The following BCAT1 variants were observed in gnomAD, a reference collection of about 807,000 sequenced individuals.
BCAT1 encodes the protein branched chain amino acid transaminase 1.
A neutral mutation model predicts 52.4 loss-of-function variants in BCAT1; 48 were observed. The observed-to-expected ratio is 0.92, with a 90% CI of 0.73 to 1.16. BCAT1 has a LOEUF of 1.16. Among genes scored for constraint, BCAT1 ranks in the 50% most tolerant of loss-of-function variants. BCAT1 has a pLI of 0.00. For synonymous variants in BCAT1, 167 were observed against 161.3 expected (o/e 1.04, Z -0.27); for missense variants, 451 against 457.1 (o/e 0.99, Z 0.12).
chr12:24,943,493 G>GAAAAAA lies in BCAT1; in HGVS notation c.6+5428_6+5433dup, dbSNP rs4031153. On this transcript the variant is annotated intron_variant, in intron 1 of 10. Transcript: ENST00000261192. ...AGGTGACAGAATGAGACCCTATCTG[G>GAAAAAA]AAAAAAAAAAAAAAAAAAAAAAAAA... 9.6e-3 allele frequency among the ~76,000 whole-genome samples: 562 copies of GAAAAAA among 58,466 alleles called. 16 individuals carry two copies. Among genetic ancestry groups the GAAAAAA allele is most frequent in the Middle Eastern group, 0.042 (2 of 48 alleles). 38.4% of individuals were successfully genotyped at this position (58,466 alleles called of 152,430 possible). A position where few individuals can be genotyped will look rare whatever the true frequency, so the allele number is the denominator to read the frequency against.
intron 1 of BCAT1, among the ~76,000 whole-genome samples, chr12:24,910,203 G>A (rs1244952323): frequency 3.3e-5 from 5 of 151,830 alleles, no homozygotes; most frequent in South Asian, 2.1e-4. Flanking sequence ...GTGAAACCCC[G>A]TCTCTACTAA....
At chr12:24,831,054 T>G (rs1291433297) in intron 9 of BCAT1, among the ~76,000 whole-genome samples, 2 of 152,162 alleles carry the variant, frequency 1.3e-5, no homozygotes, top group Non-Finnish European at 2.9e-5. Flanking sequence ...CACTTATACG[T>G]GGACTTTCTT....
chr12:24,870,752 G>C (rs1389211150), intron 5 of BCAT1, among the ~76,000 whole-genome samples: 2 of 152,306 alleles, frequency 1.3e-5, no homozygotes, highest in Non-Finnish European at 1.5e-5. Flanking sequence ...ATCAGGCCAA[G>C]CTCAGTGGCT....
At chr12:24,875,119 G>A (rs959731739) in intron 5 of BCAT1, among the ~76,000 whole-genome samples, 1 of 151,696 alleles carries the variant, frequency 6.6e-6, no homozygotes, top group Non-Finnish European at 1.5e-5. Flanking sequence ...GATAAGTAAA[G>A]CTAGTCATCT....
chr12:24,824,272 C>CCTTCCTTCCTTCCTTCCT (rs1477491998), intron 10 of BCAT1, among the ~76,000 whole-genome samples: 8,330 of 124,480 alleles, frequency 0.067, 1,049 homozygotes, highest in Non-Finnish European at 0.089. Flanking sequence ...CCTTCATTCC[C>CCTTCCTTCCTTCCTTCCT]TCCCTCCCTC....
chr12:24,841,282 T>C (rs771022829), intron 7 of BCAT1, among the ~76,000 whole-genome samples: 5 of 152,192 alleles, frequency 3.3e-5, no homozygotes, highest in Admixed American at 3.3e-4. Context: ...ATTTTCAAAA[T>C]ATGTAGAAAA....
chr12:24,914,842 C>T (rs1297050510), intron 1 of BCAT1, among the ~76,000 whole-genome samples: 1 of 152,112 alleles, frequency 6.6e-6, no homozygotes, highest in Non-Finnish European at 1.5e-5. Context: ...AATTAGGAAA[C>T]ATTAGTTTGG....
chr12:24,865,200 C>T (rs1941970800), intron 5 of BCAT1, among the ~76,000 whole-genome samples: 1 of 152,204 alleles, frequency 6.6e-6, no homozygotes, highest in South Asian at 2.1e-4. Context: ...GAATAATAGA[C>T]TTTCACATCT....
Position 24,817,730 on chromosome 12 carries a change from T to C in BCAT1, c.*278A>G. On this transcript the variant is annotated 3_prime_UTR_variant, in exon 11 of 11. Transcript: ENST00000261192. ...CTGAGTGAAGTACAAAAGGAGGCAC[T>C]AAAATCATTGAGGAAAATCCCATGT... 1 of 379,230 alleles carries C rather than the reference T, an allele frequency of 2.6e-6. No homozygotes were observed. The highest frequency in any genetic ancestry group is 4.8e-6 in the Non-Finnish European group (1 of 208,316). The allele number at this position is 379,230 out of a possible 1,614,324, so 23.5% of individuals were successfully genotyped here.
intron 10 of BCAT1, among the ~76,000 whole-genome samples, chr12:24,824,430 C>G (rs1306255473): frequency 6.6e-6 from 1 of 152,132 alleles, no homozygotes; most frequent in Non-Finnish European, 1.5e-5. Flanking sequence ...TCCTGAGTAG[C>G]TGGAACTACA....
intron 1 of BCAT1, among the ~76,000 whole-genome samples, chr12:24,938,418 G>C (rs1028148106): frequency 2.0e-5 from 3 of 152,186 alleles, no homozygotes; most frequent in Non-Finnish European, 2.9e-5. Context: ...ATTTGAGTGG[G>C]AGGGTCTACT....
chr12:24,883,179 G>C (rs1197325026), intron 3 of BCAT1, among the ~76,000 whole-genome samples: 4 of 152,126 alleles, frequency 2.6e-5, no homozygotes, highest in Non-Finnish European at 4.4e-5. Context: ...CCAGCTACTT[G>C]GGAGGCTGAG....
chr12:24,883,516 GC>G (rs1423304740), intron 3 of BCAT1, among the ~76,000 whole-genome samples: 1 of 152,024 alleles, frequency 6.6e-6, no homozygotes, highest in African/African-American at 2.4e-5. Flanking sequence ...TGGGAGGATG[GC>G]TTGAGGTCAG....
At chr12:24,865,382 C>T (rs569307378) in intron 5 of BCAT1, among the ~76,000 whole-genome samples, 2 of 152,374 alleles carry the variant, frequency 1.3e-5, no homozygotes, top group East Asian at 1.9e-4. Context: ...CACATCCAAC[C>T]TATCAGCAAA....
intron 5 of BCAT1, 30 bp from the exon 6 acceptor site, chr12:24,849,979 T>C: frequency 1.9e-6 from 3 of 1,555,736 alleles, no homozygotes; most frequent in Non-Finnish European, 2.6e-6. Context: ...CATACAACTG[T>C]AACTTAAAAT....
chr12:24,948,889 C>T lies in BCAT1; in HGVS notation c.6+38G>A, dbSNP rs1381424389. On this transcript the variant is annotated intron_variant, in intron 1 of 10. Transcript: ENST00000261192. ...AAATCGCCGGTTCGATTCACGCACA[C>T]ATTTTTGTAAAACACGGACAAAACC... is the stretch of plus-strand genomic sequence containing the variant. The T allele has an allele frequency of 5.7e-6, 9 of 1,584,530 alleles. No homozygotes were observed. In the Admixed American group the frequency reaches 1.1e-4, roughly 19 times the overall value.
chr12:24,851,596 T>C (rs1032856656), intron 5 of BCAT1, among the ~76,000 whole-genome samples: 3 of 152,172 alleles, frequency 2.0e-5, no homozygotes, highest in African/African-American at 4.8e-5. Context: ...AAACCTATGA[T>C]GGTTGATGGA....
chr12:24,867,062 G>T (rs528976907), intron 5 of BCAT1, among the ~76,000 whole-genome samples: 2 of 151,682 alleles, frequency 1.3e-5, no homozygotes, highest in Admixed American at 6.6e-5. Flanking sequence ...CGAACCCACC[G>T]CAAGGAACGA....
chr12:24,836,908 G>GAGAAAGAAAGAAAGAA (rs201215375), intron 7 of BCAT1, among the ~76,000 whole-genome samples: 3 of 40,806 alleles, frequency 7.4e-5, no homozygotes, highest in African/African-American at 2.1e-4. Flanking sequence ...AAAAGAAAGA[G>GAGAAAGAAAGAAAGAA]AGAAAGAAAG....
Sources: allele counts gnomAD v4.1 joint callset (sites outside exome capture counted in the v4.1 genomes callset), GRCh38; gene constraint gnomAD v4.1.1; transcripts MANE v1.5; gene names NCBI Gene and HGNC (gene_info 2026-07-23, HGNC 2026-07-21).